MYT1L: variants seen among roughly 807,000 people sequenced by gnomAD.
MYT1L encodes the protein myelin transcription factor 1 like.
In MYT1L, 12 loss-of-function variants were observed where a neutral mutation model predicts 126.7. That is an observed-to-expected ratio of 0.09 (90% CI 0.06 to 0.15). MYT1L has a LOEUF of 0.15. MYT1L is among the 10% of genes least tolerant of loss of function. The pLI, the probability that MYT1L is intolerant of heterozygous loss-of-function variation, is 1.00. For synonymous variants in MYT1L, 541 were observed against 604.2 expected, an observed-to-expected ratio of 0.90 and a Z score of 1.53; for missense variants, 979 against 1,585.2, an observed-to-expected ratio of 0.62 and a Z score of 6.49.
intron 18 of MYT1L, among the ~76,000 whole-genome samples, chr2:1,874,527 G>A (rs1281495406): frequency 6.6e-6 from 1 of 152,116 alleles, no homozygotes; most frequent in Non-Finnish European, 1.5e-5. Flanking sequence ...GGCATGATGG[G>A]GGGCAGCCAG....
intron 19 of MYT1L, among the ~76,000 whole-genome samples, chr2:1,844,999 CAG>C (rs1164242472): frequency 5.9e-4 from 83 of 141,830 alleles, no homozygotes; most frequent in Admixed American, 4.8e-3. Flanking sequence ...TTTTTTGAGA[CAG>C]AGTCTCTCGC....
intron 3 of MYT1L, among the ~76,000 whole-genome samples, chr2:2,137,544 C>A (rs1188244540): frequency 6.6e-6 from 1 of 152,132 alleles, no homozygotes; most frequent in Non-Finnish European, 1.5e-5. Context: ...CACATATCTA[C>A]AACTATCTGA....
chr2:2,240,293 C>CTAAATAAATAAA (rs532182932), intron 2 of MYT1L, among the ~76,000 whole-genome samples: 8 of 151,842 alleles, frequency 5.3e-5, no homozygotes, highest in African/African-American at 1.9e-4. Flanking sequence ...AACTCCGTCT[C>CTAAATAAATAAA]TAAATAAATA....
chr2:1,829,619 ATACACC>A (rs1272582732), intron 21 of MYT1L, among the ~76,000 whole-genome samples: 10 of 125,542 alleles, frequency 8.0e-5, no homozygotes, highest in East Asian at 3.0e-4. Flanking sequence ...TGACCCTCCC[ATACACC>A]TGTGAACTGA....
chr2:2,064,418 G>A (rs1432346082), intron 3 of MYT1L, among the ~76,000 whole-genome samples: 1 of 152,220 alleles, frequency 6.6e-6, no homozygotes, highest in Non-Finnish European at 1.5e-5. Flanking sequence ...ACATGGGGAA[G>A]TGAAGTTTTC....
At chr2:1,817,741 T>G (rs898155618) in intron 21 of MYT1L, among the ~76,000 whole-genome samples, 1 of 152,036 alleles carries the variant, frequency 6.6e-6, no homozygotes, top group Non-Finnish European at 1.5e-5. Flanking sequence ...CTCGGGAAAG[T>G]CCACACACCT....
intron 21 of MYT1L, among the ~76,000 whole-genome samples, chr2:1,832,415 C>T (rs889781065): frequency 2.0e-5 from 3 of 152,166 alleles, no homozygotes; most frequent in Admixed American, 6.5e-5. Flanking sequence ...ATACCCATGG[C>T]GTTCAAGGCT....
intron 21 of MYT1L, among the ~76,000 whole-genome samples, chr2:1,809,441 C>A (rs2036239018): frequency 5.3e-5 from 8 of 152,092 alleles, no homozygotes. Context: ...AGCTGGGGCT[C>A]TGAGAGCAGA....
chr2:2,307,244 T>C (rs2095870793), intron 1 of MYT1L, among the ~76,000 whole-genome samples: 1 of 152,096 alleles, frequency 6.6e-6, no homozygotes, highest in South Asian at 2.1e-4. Context: ...ATAGAAAGAC[T>C]CTGGTATTGT....
intron 3 of MYT1L, among the ~76,000 whole-genome samples, chr2:2,141,622 A>G (rs557339731): frequency 1.2e-4 from 19 of 152,344 alleles, no homozygotes; most frequent in African/African-American, 4.3e-4. Flanking sequence ...GAGACAGTCC[A>G]CTTAAAATGT....
At chr2:1,865,962 G>A (rs1173983720) in intron 18 of MYT1L, among the ~76,000 whole-genome samples, 1 of 152,210 alleles carries the variant, frequency 6.6e-6, no homozygotes. Context: ...ATGGCAAGGA[G>A]TGGGCTTTGA....
intron 11 of MYT1L, among the ~76,000 whole-genome samples, chr2:1,914,041 G>A (rs1255874283): frequency 6.6e-6 from 1 of 151,982 alleles, no homozygotes; most frequent in Non-Finnish European, 1.5e-5. Context: ...GGATCACAAG[G>A]TCAGGAGTTC....
intron 11 of MYT1L, among the ~76,000 whole-genome samples, chr2:1,913,225 T>C (rs1342602630): frequency 6.6e-6 from 1 of 152,230 alleles, no homozygotes; most frequent in East Asian, 1.9e-4. Flanking sequence ...CCACACCCTG[T>C]CTTCTTACTG....
chr2:2,231,327 G>T (rs985073918), intron 2 of MYT1L, among the ~76,000 whole-genome samples: 4 of 152,186 alleles, frequency 2.6e-5, no homozygotes, highest in Non-Finnish European at 4.4e-5. Flanking sequence ...ACAAAGATTT[G>T]TAGGTTGATT....
At chr2:2,291,189 GA>G (rs2095594101) in intron 1 of MYT1L, among the ~76,000 whole-genome samples, 1 of 152,244 alleles carries the variant, frequency 6.6e-6, no homozygotes, top group African/African-American at 2.4e-5. Context: ...CGAGAATGAT[GA>G]AAAAAATCAG....
chr2:2,099,837 T>C (rs907581677), intron 3 of MYT1L, among the ~76,000 whole-genome samples: 11 of 152,206 alleles, frequency 7.2e-5, no homozygotes, highest in African/African-American at 2.7e-4. Flanking sequence ...GACTAAGAAG[T>C]GTAGCTTAAG....
chr2:1,863,060 C>T (rs774013150), intron 18 of MYT1L, among the ~76,000 whole-genome samples: 9 of 152,140 alleles, frequency 5.9e-5, no homozygotes, highest in Non-Finnish European at 1.0e-4. Flanking sequence ...GGAATGGTAG[C>T]GTGTCCAGAT....
chr2:2,003,148 C>T lies in MYT1L; in HGVS notation c.-157-5801G>A, dbSNP rs778704673. Among the ~76,000 whole-genome samples, 63 of 152,260 alleles carry T rather than the reference C, an allele frequency of 4.1e-4. 1 individual carries two copies. Among genetic ancestry groups the T allele is most frequent in the African/African-American group, 4.8e-4 (20 of 41,552 alleles). Reference sequence around the variant, plus strand: ...ATATGCACCTGTTCTTCCTGAGTCCCGTTCCCATTTCCCACTTAGACTTGC... The same window carrying T: ...ATATGCACCTGTTCTTCCTGAGTCCTGTTCCCATTTCCCACTTAGACTTGC... On this transcript the variant is annotated intron_variant, in intron 4 of 24. Coordinates refer to ENST00000647738, the MANE Select transcript of MYT1L (RefSeq NM_001303052.2).
intron 3 of MYT1L, among the ~76,000 whole-genome samples, chr2:2,055,582 T>C (rs995627869): frequency 2.0e-5 from 3 of 152,144 alleles, no homozygotes; most frequent in African/African-American, 7.2e-5. Context: ...GACATAGTGG[T>C]TTTATAAAAA....
Sources: gnomAD v4.1 joint callset for allele counts (sites outside exome capture counted in the v4.1 genomes callset) on GRCh38, gnomAD v4.1.1 for gene constraint, MANE v1.5 for transcripts, NCBI Gene and HGNC (gene_info 2026-07-23, HGNC 2026-07-21) for gene names.